The following NCAM1 variants were observed in gnomAD, a reference collection of about 807,000 sequenced individuals.
NCAM1 encodes neural cell adhesion molecule 1, also known as antigen recognized by monoclonal antibody 5.1H11.
A neutral mutation model predicts 109.8 loss-of-function variants in NCAM1; 14 were observed. The observed-to-expected ratio is 0.13, with a 90% CI of 0.08 to 0.20. NCAM1 has a LOEUF of 0.20. NCAM1 is among the 10% of genes least tolerant of loss of function. The probability of loss-of-function intolerance (pLI) is 1.00; values close to 1 mark genes in which losing one functional copy is unlikely to be tolerated. For synonymous variants in NCAM1, 418 were observed against 442.9 expected, an observed-to-expected ratio of 0.94 and a Z score of 0.70; for missense variants, 774 against 1,109.9, an observed-to-expected ratio of 0.70 and a Z score of 4.30.
intron 1 of NCAM1, among the ~76,000 whole-genome samples, chr11:113,075,366 G>A (rs1432040939): frequency 6.6e-6 from 1 of 152,084 alleles, no homozygotes; most frequent in African/African-American, 2.4e-5. Context: ...TACTGCACCT[G>A]GTCCTGATTA....
intron 1 of NCAM1, among the ~76,000 whole-genome samples, chr11:113,107,110 C>T (rs1431018158): frequency 6.6e-6 from 1 of 152,160 alleles, no homozygotes; most frequent in East Asian, 1.9e-4. Flanking sequence ...ATGGCTTCAA[C>T]CATTTAAGCT....
intron 1 of NCAM1, among the ~76,000 whole-genome samples, chr11:113,092,382 A>G (rs1412804934): frequency 6.6e-6 from 1 of 152,206 alleles, no homozygotes; most frequent in East Asian, 1.9e-4. Context: ...GCTACCATAA[A>G]CTAATAGTTG....
chr11:113,075,148 G>C (rs940373460), intron 1 of NCAM1, among the ~76,000 whole-genome samples: 1 of 151,980 alleles, frequency 6.6e-6, no homozygotes, highest in Non-Finnish European at 1.5e-5. Context: ...CTCACTGCAT[G>C]CTGGACCTCT....
rs533001371 is a variant in NCAM1 at position 113,099,399 on chromosome 11, C to T, written c.53-102980C>T. Among the ~76,000 whole-genome samples the T allele has an allele frequency of 7.2e-5, 11 of 152,266 alleles. No individual in the cohort carries two copies. In the East Asian group the frequency reaches 1.9e-3, roughly 27 times the overall value. ...GGTACCCATGTTTGAATTTGGTTCT[C>T]GTGAGTTTATCACTCCACGGTTGCA... On this transcript the variant is annotated intron_variant, in intron 1 of 19. Transcript: ENST00000316851.
chr11:113,255,597 GAAAAAAAAAAAA>G (rs34738476), intron 15 of NCAM1, among the ~76,000 whole-genome samples: 1 of 92,966 alleles, frequency 1.1e-5, no homozygotes, highest in African/African-American at 4.3e-5. Flanking sequence ...TGAGACAGGG[GAAAAAAAAAAAA>G]AAAAAAAAGC....
At chr11:113,253,447 A>T (rs1945749464) in intron 15 of NCAM1, among the ~76,000 whole-genome samples, 1 of 151,450 alleles carries the variant, frequency 6.6e-6, no homozygotes, top group Admixed American at 6.6e-5. Flanking sequence ...AGTGGCTGTC[A>T]CTGTTTCACA....
chr11:112,975,992 G>C (rs1950995762), intron 1 of NCAM1, among the ~76,000 whole-genome samples: 1 of 151,772 alleles, frequency 6.6e-6, no homozygotes, highest in South Asian at 2.1e-4. Flanking sequence ...GTGTTCTAGT[G>C]ATATTCACAG....
At chr11:113,004,094 T>C (rs1251549383) in intron 1 of NCAM1, among the ~76,000 whole-genome samples, 1 of 152,254 alleles carries the variant, frequency 6.6e-6, no homozygotes, top group Non-Finnish European at 1.5e-5. Context: ...CGTTTTAATA[T>C]AGAAGCAGCT....
intron 1 of NCAM1, among the ~76,000 whole-genome samples, chr11:112,977,116 G>A (rs1488169540): frequency 7.4e-5 from 1 of 13,556 alleles, no homozygotes; most frequent in Non-Finnish European, 1.7e-3. Context: ...TGGAAACTTT[G>A]GTAAAAAAAA....
At chr11:113,270,144 G>T (rs370291017) in intron 17 of NCAM1, 44 bp from the exon 18 acceptor site, 3 of 1,594,248 alleles carry the variant, frequency 1.9e-6, no homozygotes, top group South Asian at 1.1e-5. Flanking sequence ...TGGAGGTCTC[G>T]CATCTCAGTC....
chr11:113,191,024 T>C (rs2136713324), intron 1 of NCAM1, among the ~76,000 whole-genome samples: 1 of 152,338 alleles, frequency 6.6e-6, no homozygotes, highest in Admixed American at 6.5e-5. Flanking sequence ...ATAATTTTAT[T>C]ATCAACGTTT....
In NCAM1 at chr11:113,277,198, G is replaced by T. The variant is rs1297713185; in HGVS notation, c.*1811G>T. On this transcript the variant is annotated 3_prime_UTR_variant, in exon 20 of 20. Coordinates refer to ENST00000316851, the MANE Select transcript of NCAM1 (RefSeq NM_181351.5). ...AGCAGCAAGAGGTTAGGGTGGCAAG[G>T]CTGCCTCTGGGTCCATTCTGTGGGC... 1 of 397,272 alleles carries T rather than the reference G, an allele frequency of 2.5e-6. No homozygotes were observed. Among genetic ancestry groups the T allele is most frequent in the Non-Finnish European group, 4.4e-6 (1 of 225,464 alleles). The allele number at this position is 397,272 out of a possible 1,614,324, so 24.6% of individuals were successfully genotyped here. A position where few individuals can be genotyped will look rare whatever the true frequency, so the allele number is the denominator to read the frequency against.
In NCAM1 at chr11:113,276,262, G is replaced by A. The variant is rs557791815; in HGVS notation, c.*875G>A. ...CAGGACAACTTTACAAAACATGATT[G>A]TTTACAGCTGCTCTTCCCCTCTTTT... is the stretch of plus-strand genomic sequence containing the variant. On this transcript the variant is annotated 3_prime_UTR_variant, in exon 20 of 20. Coordinates refer to ENST00000316851, the MANE Select transcript of NCAM1 (RefSeq NM_181351.5). The A allele has an allele frequency of 1.3e-5, 2 of 152,692 alleles. No homozygotes were observed. The highest frequency in any genetic ancestry group is 3.9e-4 in the East Asian group (2 of 5,190). The allele number at this position is 152,692 out of a possible 1,614,324, so 9.5% of individuals were successfully genotyped here.
intron 1 of NCAM1, among the ~76,000 whole-genome samples, chr11:113,046,089 G>C (rs1181830264): frequency 6.6e-6 from 1 of 152,180 alleles, no homozygotes. Context: ...ATTTGTCACA[G>C]GAGTGCCCAT....
intron 17 of NCAM1, among the ~76,000 whole-genome samples, chr11:113,266,020 G>A (rs557468878): frequency 1.2e-4 from 19 of 152,294 alleles, no homozygotes; most frequent in African/African-American, 3.9e-4. Context: ...CTCTGACCTC[G>A]AGGTTATGGG....
At chr11:113,092,322 C>G (rs1015888334) in intron 1 of NCAM1, among the ~76,000 whole-genome samples, 1 of 152,108 alleles carries the variant, frequency 6.6e-6, no homozygotes, top group African/African-American at 2.4e-5. Flanking sequence ...AAAAGGAGGA[C>G]CTGTGTTTTA....
At chr11:112,965,795 TACAG>T (rs1555065165) in intron 1 of NCAM1, among the ~76,000 whole-genome samples, 1 of 152,222 alleles carries the variant, frequency 6.6e-6, no homozygotes, top group African/African-American at 2.4e-5. Flanking sequence ...AAAGACATTT[TACAG>T]ACAGTCCTTT....
intron 1 of NCAM1, among the ~76,000 whole-genome samples, chr11:113,106,482 T>A (rs1555092603): frequency 6.6e-6 from 1 of 152,192 alleles, no homozygotes; most frequent in Non-Finnish European, 1.5e-5. Flanking sequence ...AAAAAACAGT[T>A]GAGTTGTCTC....
intron 1 of NCAM1, among the ~76,000 whole-genome samples, chr11:113,075,820 T>C (rs1287584614): frequency 6.6e-6 from 1 of 152,242 alleles, no homozygotes; most frequent in Non-Finnish European, 1.5e-5. Context: ...TGCCTACGTG[T>C]GTGGTTGTTA....
Sources: allele counts gnomAD v4.1 joint callset (sites outside exome capture counted in the v4.1 genomes callset), GRCh38; gene constraint gnomAD v4.1.1; transcripts MANE v1.5; gene names NCBI Gene and HGNC (gene_info 2026-07-23, HGNC 2026-07-21).